CNTNAP2: variants seen among roughly 807,000 people sequenced by gnomAD.
CNTNAP2 encodes the protein contactin associated protein 2, also known as contactin-associated protein-like 2.
In CNTNAP2, 98 loss-of-function variants were observed where a neutral mutation model predicts 155.2. That is an observed-to-expected ratio of 0.63 (90% CI 0.54 to 0.75). CNTNAP2 has a LOEUF of 0.75. CNTNAP2 is among the 30% of genes least tolerant of loss of function. CNTNAP2 has a pLI of 0.00. For missense variants in CNTNAP2, 1,727 were observed against 1,688.1 expected, an observed-to-expected ratio of 1.02 and a Z score of -0.40; for synonymous variants, 651 against 631.2, an observed-to-expected ratio of 1.03 and a Z score of -0.47.
chr7:147,690,114 T>C (rs1796067141), intron 13 of CNTNAP2, among the ~76,000 whole-genome samples: 1 of 152,110 alleles, frequency 6.6e-6, no homozygotes, highest in Admixed American at 6.6e-5. Flanking sequence ...TTTCCAATGA[T>C]TTACAGGATA....
chr7:147,005,949 G>T (rs1798516295), intron 3 of CNTNAP2, among the ~76,000 whole-genome samples: 1 of 151,914 alleles, frequency 6.6e-6, no homozygotes, highest in Non-Finnish European at 1.5e-5. Context: ...GGAGGGGGAT[G>T]ATAGTCTTTT....
intron 14 of CNTNAP2, among the ~76,000 whole-genome samples, chr7:147,936,602 C>G (rs1304922492): frequency 6.6e-6 from 1 of 152,102 alleles, no homozygotes; most frequent in Non-Finnish European, 1.5e-5. Flanking sequence ...TCATTTATCC[C>G]TCCCCTCCCT....
At chr7:148,342,355 A>G (rs548510750) in intron 21 of CNTNAP2, among the ~76,000 whole-genome samples, 1 of 152,334 alleles carries the variant, frequency 6.6e-6, no homozygotes, top group South Asian at 2.1e-4. Flanking sequence ...AGAGGCTAGC[A>G]TGAAAGCCAA....
intron 1 of CNTNAP2, among the ~76,000 whole-genome samples, chr7:146,721,255 ATATACTCTC>A (rs1801298421): frequency 1.5e-5 from 2 of 131,696 alleles, no homozygotes; most frequent in African/African-American, 5.7e-5. Context: ...TATATTCTCT[ATATACTCTC>A]TATATATTCT....
chr7:146,948,352 A>C lies in CNTNAP2; in HGVS notation c.403-95555A>C, dbSNP rs183888720. 8.6e-3 allele frequency among the ~76,000 whole-genome samples: 823 copies of C among 95,502 alleles called. 8 individuals are homozygous for C. The highest frequency in any genetic ancestry group is 0.027 in the African/African-American group (777 of 28,574). The allele number at this position is 95,502 out of a possible 152,430, so 62.7% of individuals were successfully genotyped here. On this transcript the variant is annotated intron_variant, in intron 3 of 23. Coordinates refer to ENST00000361727, the MANE Select transcript of CNTNAP2 (RefSeq NM_014141.6). Reference sequence around the variant, plus strand: ...TGACAGAAAATTAAGTTCATGATGTAAGATAATTTTGTGGTAATTTTTGTT... The same window carrying C: ...TGACAGAAAATTAAGTTCATGATGTCAGATAATTTTGTGGTAATTTTTGTT...
At chr7:146,709,397 A>T (rs1446214398) in intron 1 of CNTNAP2, among the ~76,000 whole-genome samples, 1 of 152,162 alleles carries the variant, frequency 6.6e-6, no homozygotes, top group Non-Finnish European at 1.5e-5. Flanking sequence ...ATGAAAGGGA[A>T]ATCATATGTA....
intron 12 of CNTNAP2, among the ~76,000 whole-genome samples, chr7:147,589,058 G>T (rs1800689050): frequency 6.6e-6 from 1 of 152,030 alleles, no homozygotes; most frequent in Non-Finnish European, 1.5e-5. Context: ...ATTTATTTCT[G>T]TTTATCATTT....
intron 1 of CNTNAP2, among the ~76,000 whole-genome samples, chr7:146,152,051 G>C (rs564380577): frequency 6.6e-5 from 10 of 151,754 alleles, no homozygotes; most frequent in Non-Finnish European, 1.2e-4. Flanking sequence ...ATGTTGAAAA[G>C]ATATTTGTAC....
In CNTNAP2 at chr7:147,499,830, C is replaced by G. The variant is rs150698007; in HGVS notation, c.1777+13789C>G. Among the ~76,000 whole-genome samples the G allele has an allele frequency of 1.4e-4, 22 of 152,226 alleles. No homozygotes were observed. In the East Asian group the frequency reaches 4.1e-3, roughly 28 times the overall value. On this transcript the variant is annotated intron_variant, in intron 11 of 23. Coordinates refer to ENST00000361727, the MANE Select transcript of CNTNAP2 (RefSeq NM_014141.6). Reference sequence around the variant, plus strand: ...ACTTGCAAACAGAGACAAGTTACCTCTGAATGGCAAGGCTGAGAACACTAG... The same window carrying G: ...ACTTGCAAACAGAGACAAGTTACCTGTGAATGGCAAGGCTGAGAACACTAG...
intron 21 of CNTNAP2, among the ~76,000 whole-genome samples, chr7:148,292,164 G>T (rs566443105): frequency 1.3e-5 from 2 of 152,274 alleles, no homozygotes; most frequent in African/African-American, 4.8e-5. Flanking sequence ...CACAAAGGAA[G>T]TTTTCCAAAT....
chr7:147,476,084 AT>A, intron 10 of CNTNAP2, among the ~76,000 whole-genome samples: 2 of 151,824 alleles, frequency 1.3e-5, no homozygotes, highest in East Asian at 3.9e-4. Flanking sequence ...GCCTCTGTTT[AT>A]TTTTATTTTT....
In CNTNAP2 at chr7:147,237,049, C is replaced by CTTTT. The variant is rs548220734; in HGVS notation, c.1349-63059_1349-63056dup. Among the ~76,000 whole-genome samples, 99 of 57,468 alleles carry CTTTT rather than the reference C, an allele frequency of 1.7e-3. 21 individuals carry two copies. The highest frequency in any genetic ancestry group is 2.7e-3 in the Non-Finnish European group (80 of 29,586). The allele number at this position is 57,468 out of a possible 152,430, so 37.7% of individuals were successfully genotyped here. ...CCACTTCCTTTAGCCTTCACCTCCT[C>CTTTT]TTTTTTTTTTTTTTTTTTTTTTTTT... On this transcript the variant is annotated intron_variant, in intron 8 of 23. Transcript: ENST00000361727.
intron 3 of CNTNAP2, among the ~76,000 whole-genome samples, chr7:146,969,964 A>T (rs1361090929): frequency 6.6e-6 from 1 of 152,240 alleles, no homozygotes; most frequent in Non-Finnish European, 1.5e-5. Context: ...TGGGGAAAGG[A>T]TTCCCTATTT....
intron 13 of CNTNAP2, among the ~76,000 whole-genome samples, chr7:147,776,873 C>A (rs759877191): frequency 3.3e-5 from 5 of 150,982 alleles, no homozygotes; most frequent in Non-Finnish European, 7.4e-5. Context: ...ATTTTTCACA[C>A]TTTTATCTGT....
intron 10 of CNTNAP2, among the ~76,000 whole-genome samples, chr7:147,459,691 G>A (rs941225397): frequency 1.3e-5 from 2 of 152,138 alleles, no homozygotes; most frequent in Non-Finnish European, 2.9e-5. Flanking sequence ...GGTTGGAAAG[G>A]CAAGGAAACA....
chr7:147,892,257 A>C (rs1356030289), intron 13 of CNTNAP2, among the ~76,000 whole-genome samples: 1 of 152,242 alleles, frequency 6.6e-6, no homozygotes, highest in Non-Finnish European at 1.5e-5. Context: ...ACTTAGTTTA[A>C]CATTGAACTA....
chr7:148,322,444 T>C (rs748874913), intron 21 of CNTNAP2, among the ~76,000 whole-genome samples: 1 of 152,206 alleles, frequency 6.6e-6, no homozygotes, highest in African/African-American at 2.4e-5. Flanking sequence ...AATAGAAATA[T>C]ACTTCTAGAT....
chr7:147,801,738 C>T (rs867016958), intron 13 of CNTNAP2, among the ~76,000 whole-genome samples: 2 of 152,204 alleles, frequency 1.3e-5, no homozygotes, highest in East Asian at 3.9e-4. Flanking sequence ...TACACAGACA[C>T]GGCAACCATC....
intron 9 of CNTNAP2, among the ~76,000 whole-genome samples, chr7:147,336,844 T>A (rs1795672914): frequency 6.6e-6 from 1 of 152,096 alleles, no homozygotes; most frequent in Admixed American, 6.6e-5. Context: ...TCTAGAACTC[T>A]ATGGAAAATT....
Sources: allele counts gnomAD v4.1 joint callset (sites outside exome capture counted in the v4.1 genomes callset), GRCh38; gene constraint gnomAD v4.1.1; transcripts MANE v1.5; gene names NCBI Gene and HGNC (gene_info 2026-07-23, HGNC 2026-07-21).